Variants in UNC5D observed in about 807,000 individuals in gnomAD.
UNC5D encodes netrin receptor UNC5D.
In UNC5D, 39 loss-of-function variants were observed where a neutral mutation model predicts 105.4. The ratio of observed to expected loss-of-function variants is 0.37; its 90% CI spans 0.29 to 0.48. The LOEUF (loss-of-function observed/expected upper bound fraction) is 0.48. Ranked by LOEUF, UNC5D falls within the 20% of genes least tolerant of loss-of-function variation. UNC5D has a pLI of 0.98. For missense variants in UNC5D, 991 were observed against 1,202.4 expected (o/e 0.82, Z 2.60); for synonymous variants, 452 against 450.4 (o/e 1.00, Z -0.04).
rs1373383644 is a variant in UNC5D at position 35,263,155 on chromosome 8, A to G, written c.103+27268A>G. On this transcript the variant is annotated intron_variant, in intron 1 of 16. Coordinates refer to ENST00000404895, the MANE Select transcript of UNC5D (RefSeq NM_080872.4). The stretch of plus-strand genomic sequence containing the variant: ...GTTGCTTCACCTCTCTATCAGGCTG[A>G]CAAACTCCTATTTAACCCTCTAAGC... Among the ~76,000 whole-genome samples, 9 of 152,298 alleles carry G rather than the reference A, an allele frequency of 5.9e-5. No individual in the cohort carries two copies. In the South Asian group the frequency reaches 1.9e-3, roughly 32 times the overall value.
chr8:35,538,405 A>G (rs1241685419), intron 1 of UNC5D, among the ~76,000 whole-genome samples: 3,362 of 41,614 alleles, frequency 0.081, 65 homozygotes, highest in Admixed American at 0.098. Flanking sequence ...TTATATATAT[A>G]TATATATATA....
chr8:35,605,433 A>C (rs1297208199), intron 4 of UNC5D, among the ~76,000 whole-genome samples: 1 of 152,200 alleles, frequency 6.6e-6, no homozygotes, highest in Non-Finnish European at 1.5e-5. Flanking sequence ...ACCTGGCCGT[A>C]TGAGGTGTCA....
chr8:35,289,977 A>G (rs1213562366), intron 1 of UNC5D, among the ~76,000 whole-genome samples: 1 of 152,124 alleles, frequency 6.6e-6, no homozygotes, highest in Non-Finnish European at 1.5e-5. Context: ...AAAATAAATT[A>G]TATAATGGGT....
At chr8:35,282,232 G>C (rs1398976432) in intron 1 of UNC5D, among the ~76,000 whole-genome samples, 1 of 152,224 alleles carries the variant, frequency 6.6e-6, no homozygotes, top group African/African-American at 2.4e-5. Context: ...AAGGAGGACA[G>C]CATGCTGTCA....
intron 1 of UNC5D, among the ~76,000 whole-genome samples, chr8:35,271,734 C>A (rs987281837): frequency 1.2e-4 from 14 of 121,204 alleles, no homozygotes; most frequent in African/African-American, 3.6e-4. Flanking sequence ...TACATGTATA[C>A]ATATATATTT....
intron 1 of UNC5D, among the ~76,000 whole-genome samples, chr8:35,291,463 A>G (rs1349529912): frequency 6.6e-6 from 1 of 152,210 alleles, no homozygotes; most frequent in Non-Finnish European, 1.5e-5. Context: ...TCTGACCATC[A>G]CTTGCTTAGT....
At chr8:35,758,536 T>C (rs1830616406) in intron 13 of UNC5D, among the ~76,000 whole-genome samples, 1 of 152,226 alleles carries the variant, frequency 6.6e-6, no homozygotes, top group South Asian at 2.1e-4. Flanking sequence ...CTTCCCTGAA[T>C]ATGTATTTGT....
At chr8:35,664,110 A>G (rs113827157) in intron 4 of UNC5D, among the ~76,000 whole-genome samples, 15 of 152,304 alleles carry the variant, frequency 9.8e-5, no homozygotes, top group African/African-American at 3.6e-4. Flanking sequence ...ACTGAACACA[A>G]TCTAAAGTCA....
chr8:35,724,287 C>G, intron 9 of UNC5D: 1 of 1,534,470 alleles, frequency 6.5e-7, no homozygotes. Flanking sequence ...CAAGAAAAAT[C>G]CTTTGGTAAA....
intron 7 of UNC5D, among the ~76,000 whole-genome samples, chr8:35,703,999 T>C (rs1402616558): frequency 2.0e-5 from 3 of 152,186 alleles, no homozygotes; most frequent in African/African-American, 7.2e-5. Context: ...TCAGGAAAAC[T>C]AGTACCGTCA....
At chr8:35,775,174 TC>T (rs1266168787) in intron 16 of UNC5D, among the ~76,000 whole-genome samples, 1 of 152,194 alleles carries the variant, frequency 6.6e-6, no homozygotes, top group East Asian at 1.9e-4. Flanking sequence ...CCCTAAGCAT[TC>T]TTTAACCCTT....
chr8:35,400,828 T>C (rs760902547), intron 1 of UNC5D, among the ~76,000 whole-genome samples: 2 of 152,194 alleles, frequency 1.3e-5, no homozygotes, highest in African/African-American at 2.4e-5. Context: ...TGAGAAAATT[T>C]GTAATTGCCA....
intron 3 of UNC5D, among the ~76,000 whole-genome samples, chr8:35,593,614 T>C (rs113814234): frequency 1.3e-5 from 2 of 152,112 alleles, no homozygotes; most frequent in African/African-American, 4.8e-5. Context: ...TTTTAAAAAG[T>C]AGCCATGTGT....
chr8:35,723,396 T>A (rs1828686658), intron 9 of UNC5D, among the ~76,000 whole-genome samples: 1 of 152,192 alleles, frequency 6.6e-6, no homozygotes, highest in African/African-American at 2.4e-5. Flanking sequence ...GTATATGTAG[T>A]TAATTGGAAA....
At chr8:35,525,430 C>G (rs1367090970) in intron 1 of UNC5D, 203 of 1,612,092 alleles carry the variant, frequency 1.3e-4, no homozygotes, top group Non-Finnish European at 1.7e-4. Context: ...TGCTGGCCCT[C>G]TAGAGAGACA....
intron 1 of UNC5D, among the ~76,000 whole-genome samples, chr8:35,341,533 T>C (rs141767786): frequency 0.012 from 1,803 of 152,142 alleles, 39 homozygotes; most frequent in African/African-American, 0.042. Flanking sequence ...CTCGCAGTGA[T>C]AGAATCTTCT....
chr8:35,570,145 G>A (rs1817620388), intron 3 of UNC5D, among the ~76,000 whole-genome samples: 1 of 152,192 alleles, frequency 6.6e-6, no homozygotes, highest in South Asian at 2.1e-4. Flanking sequence ...CATTCATGGT[G>A]TATAGTATTA....
chr8:35,326,698 G>GGGGCTGCA (rs1563315515), intron 1 of UNC5D, among the ~76,000 whole-genome samples: 1 of 151,824 alleles, frequency 6.6e-6, no homozygotes, highest in Non-Finnish European at 1.5e-5. Flanking sequence ...CAGGGGCTGC[G>GGGGCTGCA]GTGAGCTGTG....
chr8:35,610,362 A>C (rs1269848534), intron 4 of UNC5D, among the ~76,000 whole-genome samples: 1 of 152,072 alleles, frequency 6.6e-6, no homozygotes, highest in Non-Finnish European at 1.5e-5. Flanking sequence ...CCATCATCCC[A>C]CCCTTAGAAT....
Sources: gnomAD v4.1 joint callset for allele counts (sites outside exome capture counted in the v4.1 genomes callset) on GRCh38, gnomAD v4.1.1 for gene constraint, MANE v1.5 for transcripts, NCBI Gene and HGNC (gene_info 2026-07-23, HGNC 2026-07-21) for gene names.